Variants in OSBPL6 observed in about 807,000 individuals in gnomAD.
OSBPL6 encodes the protein oxysterol binding protein like 6, also known as oxysterol-binding protein-related protein 6.
Under a neutral mutation model 125.8 loss-of-function variants are expected in OSBPL6, and 49 were observed. That is an observed-to-expected ratio of 0.39 (90% CI 0.31 to 0.49). The LOEUF is 0.49. Among genes scored for constraint, OSBPL6 ranks in the 20% least tolerant of loss-of-function variants. The pLI is 0.88. For missense variants in OSBPL6, 986 were observed against 1,135.4 expected (o/e 0.87, Z 1.89); for synonymous variants, 394 against 391.8 (o/e 1.01, Z -0.07).
chr2:178,381,168 T>G (rs552951312), intron 15 of OSBPL6, among the ~76,000 whole-genome samples: 92 of 152,346 alleles, frequency 6.0e-4, no homozygotes, highest in Non-Finnish European at 1.0e-3. Flanking sequence ...CCCATTCCTC[T>G]GATGTTCTAT....
At chr2:178,197,092 G>A (rs1380518476) in intron 1 of OSBPL6, among the ~76,000 whole-genome samples, 1 of 150,248 alleles carries the variant, frequency 6.7e-6, no homozygotes, top group Non-Finnish European at 1.5e-5. Flanking sequence ...CTGGGCACAC[G>A]TGCCAGTGTT....
intron 3 of OSBPL6, among the ~76,000 whole-genome samples, chr2:178,322,088 C>T (rs1688293913): frequency 6.6e-6 from 1 of 152,212 alleles, no homozygotes. Flanking sequence ...TTCCATCACA[C>T]TTCAAATATA....
At chr2:178,223,614 C>T (rs1303236596) in intron 1 of OSBPL6, among the ~76,000 whole-genome samples, 1 of 152,174 alleles carries the variant, frequency 6.6e-6, no homozygotes, top group Non-Finnish European at 1.5e-5. Flanking sequence ...TGGGGTAGAA[C>T]TGTTTTTAAA....
chr2:178,354,497 T>C (rs1691585299), intron 12 of OSBPL6, among the ~76,000 whole-genome samples: 1 of 152,156 alleles, frequency 6.6e-6, no homozygotes, highest in African/African-American at 2.4e-5. Context: ...AAGAAGGCCA[T>C]TACATAATGG....
At chr2:178,387,014 A>C in intron 19 of OSBPL6, 47 bp from the exon 20 acceptor site, 1 of 1,270,706 alleles carries the variant, frequency 7.9e-7, no homozygotes, top group Non-Finnish European at 1.1e-6. Flanking sequence ...AGAAGAGGTG[A>C]TTAGATATGG....
chr2:178,263,960 T>C (rs2092148904), intron 1 of OSBPL6, among the ~76,000 whole-genome samples: 1 of 152,108 alleles, frequency 6.6e-6, no homozygotes, highest in Non-Finnish European at 1.5e-5. Context: ...TTTAGTCACT[T>C]ATAGCCCACA....
chr2:178,339,818 G>A, intron 11 of OSBPL6, 54 bp downstream of exon 11: 2 of 1,338,460 alleles, frequency 1.5e-6, no homozygotes, highest in Non-Finnish European at 1.0e-6. Context: ...TAAAGTACTA[G>A]TCTTTATACA....
At chr2:178,200,417 A>G (rs1289699352) in intron 1 of OSBPL6, among the ~76,000 whole-genome samples, 1 of 151,678 alleles carries the variant, frequency 6.6e-6, no homozygotes, top group Non-Finnish European at 1.5e-5. Context: ...ATGCCTGGCT[A>G]ATTTTTATAT....
At chr2:178,284,060 G>A (rs1684467757) in intron 1 of OSBPL6, among the ~76,000 whole-genome samples, 1 of 152,146 alleles carries the variant, frequency 6.6e-6, no homozygotes, top group Non-Finnish European at 1.5e-5. Context: ...TGCTTTCTGA[G>A]AAATTATGTC....
chr2:178,299,939 A>G (rs932518552), intron 2 of OSBPL6, among the ~76,000 whole-genome samples: 1 of 152,196 alleles, frequency 6.6e-6, no homozygotes, highest in African/African-American at 2.4e-5. Context: ...AGTTGAAATC[A>G]GGAAACTTGC....
At chr2:178,375,023 G>A (rs925866468) in intron 15 of OSBPL6, among the ~76,000 whole-genome samples, 5 of 152,180 alleles carry the variant, frequency 3.3e-5, no homozygotes, top group African/African-American at 4.8e-5. Flanking sequence ...GGTTCACAGC[G>A]ACTTCCATTC....
intron 3 of OSBPL6, among the ~76,000 whole-genome samples, chr2:178,314,124 A>G (rs1398726062): frequency 6.6e-6 from 1 of 152,270 alleles, no homozygotes; most frequent in Non-Finnish European, 1.5e-5. Flanking sequence ...CTGTTGAATG[A>G]AATAACTAAA....
At chr2:178,329,218 TG>T in intron 5 of OSBPL6, among the ~76,000 whole-genome samples, 1 of 152,314 alleles carries the variant, frequency 6.6e-6, no homozygotes, top group African/African-American at 2.4e-5. Context: ...CCCAGAAGTT[TG>T]TTTACTGCTC....
At chr2:178,339,175 G>T in intron 10 of OSBPL6, 81 bp downstream of exon 10, 1 of 771,558 alleles carries the variant, frequency 1.3e-6, no homozygotes, top group Non-Finnish European at 2.0e-6. Flanking sequence ...GAATATATAA[G>T]GTAACATTTA....
chr2:178,270,938 GA>G (rs1451597567), intron 1 of OSBPL6, among the ~76,000 whole-genome samples: 1 of 152,152 alleles, frequency 6.6e-6, no homozygotes, highest in Non-Finnish European at 1.5e-5. Context: ...CAGATAGGCT[GA>G]GTAACCTGCC....
chr2:178,391,337 G>A (rs1004862640), intron 22 of OSBPL6, 120 bp downstream of exon 22: 32 of 1,057,264 alleles, frequency 3.0e-5, no homozygotes, highest in Non-Finnish European at 3.6e-5. Flanking sequence ...GATTAAAAGC[G>A]TAGATGCTTA....
chr2:178,220,576 G>C (rs1382250788), intron 1 of OSBPL6, among the ~76,000 whole-genome samples: 1 of 152,160 alleles, frequency 6.6e-6, no homozygotes, highest in Non-Finnish European at 1.5e-5. Context: ...AAAGTGCTGG[G>C]ATTACAGGCA....
In OSBPL6 at chr2:178,285,121, G is replaced by C. The variant is rs1010043600; in HGVS notation, c.-156G>C. 3 of 398,300 alleles carry C rather than the reference G, an allele frequency of 7.5e-6. No homozygotes were observed. Among genetic ancestry groups the C allele is most frequent in the Non-Finnish European group, 1.3e-5 (3 of 225,960 alleles). 24.7% of individuals were successfully genotyped at this position (398,300 alleles called of 1,614,324 possible). ...GGAAGACTTTGACTCCAAGGTGCAA[G>C]GTGAGTTAGAAGAACACAAGCTTAA... On this transcript the variant is annotated splice_region_variant and 5_prime_UTR_variant, in exon 2 of 25. Coordinates refer to ENST00000190611, the MANE Select transcript of OSBPL6 (RefSeq NM_032523.4).
rs1193339707 is a variant in OSBPL6 at position 178,332,629 on chromosome 2, T to C, written c.373-12T>C. ...TATCCTTTCAGCCTATTTACTAGTC[T>C]TTTGATTTCAGATTCAGAAAGGAAA... On this transcript the variant is annotated splice_polypyrimidine_tract_variant and intron_variant, in intron 6 of 24. Transcript: ENST00000190611. 6.3e-7 allele frequency: 1 copy of C among 1,585,124 alleles called. No homozygotes were observed. Among genetic ancestry groups the C allele is most frequent in the East Asian group, 2.2e-5 (1 of 44,740 alleles).
Sources: allele counts gnomAD v4.1 joint callset (sites outside exome capture counted in the v4.1 genomes callset), GRCh38; gene constraint gnomAD v4.1.1; transcripts MANE v1.5; gene names NCBI Gene and HGNC (gene_info 2026-07-23, HGNC 2026-07-21).